MPHOSPH6: variants seen among roughly 807,000 people sequenced by gnomAD.
The protein encoded by MPHOSPH6 is M-phase phosphoprotein 6.
A neutral mutation model predicts 21.8 loss-of-function variants in MPHOSPH6; 25 were observed. The observed-to-expected ratio is 1.15, with a 90% CI of 0.83 to 1.60. MPHOSPH6 has a LOEUF of 1.60. Among genes scored for constraint, MPHOSPH6 ranks in the 40% most tolerant of loss-of-function variants. MPHOSPH6 has a pLI of 0.00. For synonymous variants in MPHOSPH6, 84 were observed against 56.5 expected (o/e 1.49, Z -2.18); for missense variants, 269 against 181.8 (o/e 1.48, Z -2.76).
At chr16:82,154,236 T>G (rs1218654035) in intron 2 of MPHOSPH6, among the ~76,000 whole-genome samples, 1 of 152,154 alleles carries the variant, frequency 6.6e-6, no homozygotes, top group Non-Finnish European at 1.5e-5. Context: ...AGCTAAACAC[T>G]CTGTGATATT....
intron 2 of MPHOSPH6, 86 bp from the exon 3 acceptor site, chr16:82,151,600 C>G: frequency 1.4e-6 from 2 of 1,438,698 alleles, no homozygotes; most frequent in Admixed American, 5.2e-5. Context: ...AAATAATCAA[C>G]CTATGGTTCT....
chr16:82,163,428 G>A (rs1489354342), intron 2 of MPHOSPH6, among the ~76,000 whole-genome samples: 1 of 152,152 alleles, frequency 6.6e-6, no homozygotes, highest in Non-Finnish European at 1.5e-5. Flanking sequence ...CTTAGGGGTG[G>A]GCCAGAAACT....
At chr16:82,163,529 A>G (rs1206884593) in intron 2 of MPHOSPH6, among the ~76,000 whole-genome samples, 2 of 152,222 alleles carry the variant, frequency 1.3e-5, no homozygotes, top group East Asian at 3.8e-4. Context: ...AAGTGACAGA[A>G]TCATAGGAGG....
intron 2 of MPHOSPH6, among the ~76,000 whole-genome samples, chr16:82,160,208 G>A (rs957988019): frequency 6.6e-6 from 1 of 152,100 alleles, no homozygotes; most frequent in Non-Finnish European, 1.5e-5. Flanking sequence ...TACAGAGTTG[G>A]CAAGCAAGTG....
chr16:82,167,971 T>G (rs1906840562), intron 1 of MPHOSPH6, among the ~76,000 whole-genome samples: 1 of 152,188 alleles, frequency 6.6e-6, no homozygotes, highest in Non-Finnish European at 1.5e-5. Flanking sequence ...GTATACTCTG[T>G]TCTATCAGTA....
At chr16:82,151,321 ATGAGTAGAAAT>A in intron 3 of MPHOSPH6, 92 bp downstream of exon 3, 1 of 1,457,978 alleles carries the variant, frequency 6.9e-7, no homozygotes, top group Non-Finnish European at 9.4e-7. Context: ...TTTCTATATA[ATGAGTAGAAAT>A]GGTACCTGGT....
At chr16:82,157,776 G>T (rs554937944) in intron 2 of MPHOSPH6, among the ~76,000 whole-genome samples, 4 of 152,328 alleles carry the variant, frequency 2.6e-5, no homozygotes, top group African/African-American at 9.6e-5. Context: ...AGCAAGATAT[G>T]AGGATGCCCA....
intron 1 of MPHOSPH6, chr16:82,167,497 A>C (rs61111557): frequency 0.65 from 98,607 of 151,810 alleles, 34,046 homozygotes; most frequent in East Asian, 0.78. Flanking sequence ...CTTTGTTTCT[A>C]TTATTATATT....
Position 82,148,830 on chromosome 16 carries a change from C to T in MPHOSPH6, c.384G>A (p.Lys128=). 1 of 1,614,134 alleles carries T rather than the reference C, an allele frequency of 6.2e-7. No individual in the cohort carries two copies. Among genetic ancestry groups the T allele is most frequent in the Non-Finnish European group, 8.5e-7 (1 of 1,180,010 alleles). Residue 128 remains lysine (K), a synonymous_variant, in exon 5 of 5, where the codon AAG becomes AAA. Coordinates refer to ENST00000258169, the MANE Select transcript of MPHOSPH6 (RefSeq NM_005792.2). ...TGGCATGGTCTCTCTTTCTGGCAAA[C>T]TTTTTCCCAATTGTCCCCACCAAGG... ...YETLVGTIGK[K]FARKRDHANY...
intron 1 of MPHOSPH6, among the ~76,000 whole-genome samples, chr16:82,168,245 T>C (rs142508432): frequency 2.0e-5 from 3 of 152,184 alleles, no homozygotes; most frequent in African/African-American, 7.2e-5. Context: ...ATCTTTCCAA[T>C]ATCTGCTTGG....
intron 1 of MPHOSPH6, among the ~76,000 whole-genome samples, chr16:82,169,424 T>C (rs962268302): frequency 6.6e-6 from 1 of 152,116 alleles, no homozygotes; most frequent in African/African-American, 2.4e-5. Context: ...CACCCTCTTC[T>C]CCCTGGAAGA....
At chr16:82,149,530 G>T in intron 3 of MPHOSPH6, 127 bp from the exon 4 acceptor site, 1 of 779,500 alleles carries the variant, frequency 1.3e-6, no homozygotes, top group Non-Finnish European at 2.2e-6. Flanking sequence ...ATTGATAAGG[G>T]ACTCTCTGTA....
chr16:82,167,244 C>T (rs1906811950), intron 1 of MPHOSPH6, among the ~76,000 whole-genome samples: 1 of 152,186 alleles, frequency 6.6e-6, no homozygotes. Flanking sequence ...ACTGGAAGAC[C>T]TTCCATCCAC....
intron 2 of MPHOSPH6, among the ~76,000 whole-genome samples, chr16:82,157,154 A>G (rs1444907447): frequency 6.6e-6 from 1 of 152,244 alleles, no homozygotes; most frequent in Non-Finnish European, 1.5e-5. Flanking sequence ...ATTAAAAACC[A>G]CAATGAGATG....
chr16:82,159,411 AT>A lies in MPHOSPH6; in HGVS notation c.164+4670del, dbSNP rs923946753. On this transcript the variant is annotated intron_variant, in intron 2 of 4. Transcript: ENST00000258169. ...AACACTCTTTAGGTGTTCTAAATAAATTTTTTTTTTTGAGATGGAGTCTCAT... is the reference window on the plus strand; with the variant it reads ...AACACTCTTTAGGTGTTCTAAATAAATTTTTTTTTTGAGATGGAGTCTCAT... Among the ~76,000 whole-genome samples, 142 of 149,500 alleles carry A rather than the reference AT, an allele frequency of 9.5e-4. 1 individual carries two copies. Among genetic ancestry groups the A allele is most frequent in the Non-Finnish European group, 1.2e-3 (82 of 67,114 alleles).
At chr16:82,159,665 C>CA (rs1906545264) in intron 2 of MPHOSPH6, among the ~76,000 whole-genome samples, 1 of 152,190 alleles carries the variant, frequency 6.6e-6, no homozygotes, top group Non-Finnish European at 1.5e-5. Flanking sequence ...CTCGGCCTCC[C>CA]AAAGTGCTGG....
Position 82,162,548 on chromosome 16 carries a change from C to G in MPHOSPH6, c.164+1534G>C, listed in dbSNP as rs2911424. Among the ~76,000 whole-genome samples the G allele has an allele frequency of 4.9e-3, 743 of 152,284 alleles. 9 individuals are homozygous for G. The highest frequency in any genetic ancestry group is 0.017 in the African/African-American group (695 of 41,552). ...GGTAGCAGCTCCTGTAAGGTGCTCT[C>G]TCTACACAACTTATCTGCAGATTCG... On this transcript the variant is annotated intron_variant, in intron 2 of 4. Transcript: ENST00000258169.
intron 1 of MPHOSPH6, among the ~76,000 whole-genome samples, chr16:82,166,548 C>T (rs1263322171): frequency 1.3e-5 from 2 of 152,202 alleles, no homozygotes; most frequent in African/African-American, 4.8e-5. Context: ...CATCGTGCTG[C>T]TTTGGTGTCT....
chr16:82,148,969 A>C (rs2142402590), intron 4 of MPHOSPH6, 106 bp from the exon 5 acceptor site: 1 of 1,356,500 alleles, frequency 7.4e-7, no homozygotes, highest in Non-Finnish European at 1.0e-6. Context: ...ATTACGAAAA[A>C]GAAAACTATC....
Sources: allele counts gnomAD v4.1 joint callset (sites outside exome capture counted in the v4.1 genomes callset), GRCh38; gene constraint gnomAD v4.1.1; transcripts MANE v1.5; gene names NCBI Gene and HGNC (gene_info 2026-07-23, HGNC 2026-07-21).